The following DENND11 variants were observed in gnomAD, a reference collection of about 807,000 sequenced individuals.
DENND11 encodes DENN domain containing 11, also known as DENN domain-containing protein 11.
DENND11 carries 34 observed loss-of-function variants against 49.2 expected under a neutral mutation model. The observed-to-expected ratio is 0.69, with a 90% confidence interval of 0.53 to 0.92. DENND11 has a LOEUF of 0.92. Ranked by LOEUF, DENND11 falls within the 40% of genes least tolerant of loss-of-function variation. The pLI, the probability that DENND11 is intolerant of heterozygous loss-of-function variation, is 0.00. For missense variants in DENND11, 475 were observed against 581.6 expected, an observed-to-expected ratio of 0.82 and a Z score of 1.88; for synonymous variants, 238 against 230.3, an observed-to-expected ratio of 1.03 and a Z score of -0.30.
chr7:141,697,454 C>T (rs1798433617), intron 1 of DENND11, among the ~76,000 whole-genome samples: 1 of 152,162 alleles, frequency 6.6e-6, no homozygotes, highest in African/African-American at 2.4e-5. Context: ...GGTGGAAATA[C>T]AGGGGAAGGA....
intron 3 of DENND11, among the ~76,000 whole-genome samples, chr7:141,675,737 C>T (rs1798052958): frequency 6.6e-6 from 1 of 151,722 alleles, no homozygotes; most frequent in Non-Finnish European, 1.5e-5. Context: ...ATTTACAGCT[C>T]TTATGTCAAA....
At chr7:141,699,407 A>G (rs1798469124) in intron 1 of DENND11, among the ~76,000 whole-genome samples, 1 of 152,280 alleles carries the variant, frequency 6.6e-6, no homozygotes, top group Non-Finnish European at 1.5e-5. Context: ...TCCTACTTTT[A>G]AGATATATAT....
chr7:141,662,669 G>A lies in DENND11; in HGVS notation c.1355C>T (p.Pro452Leu). Residue 452 changes from proline (P) to leucine (L), a missense_variant, in exon 9 of 9, where the codon CCC becomes CTC. Coordinates refer to ENST00000536163, the MANE Select transcript of DENND11 (RefSeq NM_001080392.2). Reference sequence around the variant, plus strand: ...TGTTGGCTCCTCCTACGGGCAACAGGGGTTGTCGATAACCAGCATGACATC... The same window carrying A: ...TGTTGGCTCCTCCTACGGGCAACAGAGGTTGTCGATAACCAGCATGACATC... ...GIDVMLVIDN[P>L]CCP 3.8e-6 allele frequency: 6 copies of A among 1,591,714 alleles called. No individual in the cohort carries two copies. The highest frequency in any genetic ancestry group is 5.1e-6 in the Non-Finnish European group (6 of 1,170,106).
rs1797790067 is a variant in DENND11 at position 141,661,372 on chromosome 7, A to G, written c.*1284T>C. The G allele has an allele frequency of 1.3e-5, 2 of 152,336 alleles. No homozygotes were observed. Among genetic ancestry groups the G allele is most frequent in the East Asian group, 1.9e-4 (1 of 5,186 alleles). The allele number at this position is 152,336 out of a possible 1,614,324, so 9.4% of individuals were successfully genotyped here. The stretch of plus-strand genomic sequence containing the variant: ...GTAAGCTGCCCTCCTGCAAAAGCCA[A>G]CCAGAGAACAGGCAGGTGGCAACAG... On this transcript the variant is annotated 3_prime_UTR_variant, in exon 9 of 9. Transcript: ENST00000536163.
At chr7:141,679,573 G>A (rs748499856) in intron 3 of DENND11, among the ~76,000 whole-genome samples, 4 of 152,012 alleles carry the variant, frequency 2.6e-5, no homozygotes, top group Non-Finnish European at 5.9e-5. Flanking sequence ...TTAGCCAGGC[G>A]TGGTGACACA....
chr7:141,696,534 C>T (rs1798416797), intron 1 of DENND11, among the ~76,000 whole-genome samples: 1 of 152,208 alleles, frequency 6.6e-6, no homozygotes, highest in South Asian at 2.1e-4. Context: ...TATCCAGAGA[C>T]TGCCTCAGCT....
intron 3 of DENND11, among the ~76,000 whole-genome samples, chr7:141,683,222 C>G (rs1268332621): frequency 6.6e-6 from 1 of 152,010 alleles, no homozygotes; most frequent in Non-Finnish European, 1.5e-5. Flanking sequence ...AAGAAAAAAA[C>G]AGAATGCAAA....
At chr7:141,672,629 G>A (rs1798000957) in intron 4 of DENND11, among the ~76,000 whole-genome samples, 1 of 152,204 alleles carries the variant, frequency 6.6e-6, no homozygotes, top group South Asian at 2.1e-4. Context: ...ACCATCTCAT[G>A]AGAGATTGTG....
intron 8 of DENND11, chr7:141,663,062 T>C: frequency 2.2e-6 from 1 of 450,672 alleles, no homozygotes; most frequent in Non-Finnish European, 3.9e-6. Context: ...TTAATTATGG[T>C]GTGATTAGGG....
rs1798225647 is a variant in DENND11, at chr7:141,685,555, CCG to C, written c.448_449del (p.Arg150AspfsTer43). The C allele has an allele frequency of 6.2e-7, 1 of 1,613,990 alleles. No homozygotes were observed. The highest frequency in any genetic ancestry group is 8.5e-7 in the Non-Finnish European group (1 of 1,179,882). ...GAGAGAGGATGCCCACAGACTTCATCCGCGCGCCACGTTCCAGCTCGCTCTCC... is the reference window on the plus strand; with the variant it reads ...GAGAGAGGATGCCCACAGACTTCATCCGCGCCACGTTCCAGCTCGCTCTCC... ...PVESELERGARMKSVGILSPS... is the reference protein window; with the variant it reads ...PVESELERGAXMKSVGILSPS... On this transcript the variant is annotated frameshift_variant, in exon 3 of 9. Coordinates refer to ENST00000536163, the MANE Select transcript of DENND11 (RefSeq NM_001080392.2). LOFTEE classifies it high-confidence loss of function.
chr7:141,673,228 C>T (rs773300381), intron 4 of DENND11, among the ~76,000 whole-genome samples: 15 of 151,516 alleles, frequency 9.9e-5, no homozygotes, highest in Non-Finnish European at 5.9e-5. Context: ...GTTGTTTTCG[C>T]TGGAAAACAA....
chr7:141,685,772 C>T, intron 2 of DENND11, 136 bp from the exon 3 acceptor site: 2 of 871,876 alleles, frequency 2.3e-6, no homozygotes, highest in Non-Finnish European at 3.5e-6. Context: ...CGGGCCAAGC[C>T]ACATGACCTC....
intron 3 of DENND11, among the ~76,000 whole-genome samples, chr7:141,682,623 TG>T (rs1798164725): frequency 6.6e-6 from 1 of 152,016 alleles, no homozygotes. Context: ...TAGGATACGG[TG>T]GAATAACAAG....
chr7:141,667,445 G>A (rs1233468144), intron 4 of DENND11, among the ~76,000 whole-genome samples: 1 of 152,160 alleles, frequency 6.6e-6, no homozygotes, highest in Non-Finnish European at 1.5e-5. Flanking sequence ...TACCTCGTAG[G>A]GTTACTTTAA....
intron 1 of DENND11, among the ~76,000 whole-genome samples, chr7:141,687,428 A>C (rs1266516456): frequency 6.6e-6 from 1 of 151,906 alleles, no homozygotes; most frequent in Non-Finnish European, 1.5e-5. Context: ...GTTACAGTGC[A>C]GTGGGATCAA....
At chr7:141,670,688 C>T (rs1797967021) in intron 4 of DENND11, among the ~76,000 whole-genome samples, 1 of 152,202 alleles carries the variant, frequency 6.6e-6, no homozygotes, top group Non-Finnish European at 1.5e-5. Context: ...TGCTTCCGCA[C>T]CATCATAAGG....
chr7:141,687,175 T>C (rs547060574), intron 1 of DENND11, among the ~76,000 whole-genome samples: 1 of 152,324 alleles, frequency 6.6e-6, no homozygotes, highest in South Asian at 2.1e-4. Flanking sequence ...CATGATAGAA[T>C]ACTATTTTAG....
Position 141,686,576 on chromosome 7 carries a change from T to G in DENND11, c.351A>C (p.Lys117Asn). Residue 117 changes from lysine (K) to asparagine (N), a missense_variant, in exon 2 of 9, where the codon AAA becomes AAC. Lys to Asn is a moderately conservative substitution (Grantham distance 94). Coordinates refer to ENST00000536163, the MANE Select transcript of DENND11 (RefSeq NM_001080392.2). ...GTACTTACATGAAATCAGATTGGAT[T>G]TTATGGGACCCACTGGCCATAGACT... ...EFKSMASGSHKIQSDFIYFRK... is the reference protein window; with the variant it reads ...EFKSMASGSHNIQSDFIYFRK... 6.2e-7 allele frequency: 1 copy of G among 1,611,070 alleles called. No individual in the cohort carries two copies. Among genetic ancestry groups the G allele is most frequent in the Non-Finnish European group, 8.5e-7 (1 of 1,177,702 alleles).
chr7:141,700,617 CAT>C (rs1163520959), intron 1 of DENND11, among the ~76,000 whole-genome samples: 3 of 152,006 alleles, frequency 2.0e-5, no homozygotes, highest in Non-Finnish European at 4.4e-5. Context: ...ATTAACTTCA[CAT>C]GATAGATCAG....
Sources: allele counts gnomAD v4.1 joint callset (sites outside exome capture counted in the v4.1 genomes callset), GRCh38; gene constraint gnomAD v4.1.1; transcripts MANE v1.5; gene names NCBI Gene and HGNC (gene_info 2026-07-23, HGNC 2026-07-21).